The following ASPRV1 variants were observed in gnomAD, a reference collection of about 807,000 sequenced individuals.
ASPRV1 encodes the protein aspartic peptidase retroviral like 1.
Under a neutral mutation model 11.0 loss-of-function variants are expected in ASPRV1, and 7 were observed. That is an observed-to-expected ratio of 0.64 (90% CI 0.36 to 1.20). The LOEUF (loss-of-function observed/expected upper bound fraction) is 1.20, where lower values mean the gene tolerates loss of function less well. Among genes scored for constraint, ASPRV1 ranks in the 50% most tolerant of loss-of-function variants. ASPRV1 has a pLI of 0.02. For synonymous variants in ASPRV1, 136 were observed against 138.4 expected, an observed-to-expected ratio of 0.98 and a Z score of 0.12; for missense variants, 299 against 320.0, an observed-to-expected ratio of 0.93 and a Z score of 0.50.
chr2:69,937,121 G>C, the ASPRV1 span: 1 of 1,381,840 alleles, frequency 7.2e-7, no homozygotes, highest in Non-Finnish European at 1.0e-6. Flanking sequence ...GAGTGGCACC[G>C]AAAGGCGTCT....
chr2:70,079,991 T>C, the ASPRV1 span, among the ~76,000 whole-genome samples: 188 of 152,352 alleles, frequency 1.2e-3, no homozygotes, highest in African/African-American at 4.3e-3. Context: ...ACAAAATCCG[T>C]TAAGTCTTGC....
chr2:70,065,843 A>G, the ASPRV1 span, among the ~76,000 whole-genome samples: 12 of 136,332 alleles, frequency 8.8e-5, no homozygotes, highest in Non-Finnish European at 4.6e-5. Context: ...AAAAAAAAAA[A>G]AGAAAGAAAA....
At position 69,960,528 on chromosome 2, in the gene ASPRV1, A is replaced by T; in HGVS notation, c.*129T>A. 1.0e-6 allele frequency: 1 copy of T among 997,088 alleles called. No homozygotes were observed. Among genetic ancestry groups the T allele is most frequent in the East Asian group, 2.5e-5 (1 of 40,398 alleles). 61.8% of individuals were successfully genotyped at this position (997,088 alleles called of 1,614,324 possible). A position where few individuals can be genotyped will look rare whatever the true frequency, so the allele number is the denominator to read the frequency against. On this transcript the variant is annotated 3_prime_UTR_variant, in exon 1 of 1. Coordinates refer to ENST00000320256, the MANE Select transcript of ASPRV1 (RefSeq NM_152792.4). ...TTAAGGCCCCTGCAGAGGGAGGCAAAGGGGAGAGAAGAGCAAGAGTTGATA... is the reference window on the plus strand; with the variant it reads ...TTAAGGCCCCTGCAGAGGGAGGCAATGGGGAGAGAAGAGCAAGAGTTGATA...
chr2:70,027,562 A>T, the ASPRV1 span, among the ~76,000 whole-genome samples: 1 of 152,234 alleles, frequency 6.6e-6, no homozygotes, highest in Non-Finnish European at 1.5e-5. Context: ...AGCCTAAAAA[A>T]GAATGAAATT....
the ASPRV1 span, among the ~76,000 whole-genome samples, chr2:69,972,361 C>CTT: frequency 2.9e-5 from 4 of 136,034 alleles, no homozygotes; most frequent in Non-Finnish European, 4.8e-5. Context: ...GTGCCCGGCC[C>CTT]TTTTTTTTTT....
the ASPRV1 span, among the ~76,000 whole-genome samples, chr2:70,053,344 C>T: frequency 3.9e-5 from 6 of 151,960 alleles, no homozygotes; most frequent in East Asian, 1.2e-3. Context: ...ATTGTTGGTG[C>T]CTGTATCTTT....
the ASPRV1 span, among the ~76,000 whole-genome samples, chr2:70,013,075 A>G: frequency 6.6e-6 from 1 of 152,252 alleles, no homozygotes; most frequent in East Asian, 1.9e-4. Context: ...CAGTGGTAAC[A>G]CTGACAAATA....
the ASPRV1 span, among the ~76,000 whole-genome samples, chr2:70,007,266 C>T: frequency 6.6e-6 from 1 of 152,194 alleles, no homozygotes; most frequent in African/African-American, 2.4e-5. Context: ...GCCTGTAATC[C>T]CAGCACCTTG....
At chr2:70,015,569 A>T in the ASPRV1 span, 4 of 152,236 alleles carry the variant, frequency 2.6e-5, no homozygotes, top group East Asian at 7.7e-4. Context: ...GCAATCCCAC[A>T]CCAAGGGACA....
the ASPRV1 span, among the ~76,000 whole-genome samples, chr2:70,042,320 G>A: frequency 5.9e-5 from 9 of 152,268 alleles, no homozygotes; most frequent in Non-Finnish European, 8.8e-5. Flanking sequence ...AGCACTAGGC[G>A]AAGTTCAAGG....
the ASPRV1 span, among the ~76,000 whole-genome samples, chr2:70,005,299 A>G: frequency 5.3e-5 from 8 of 152,056 alleles, no homozygotes; most frequent in African/African-American, 1.9e-4. Context: ...GGCTCAGGCA[A>G]TCTTCCCACC....
At chr2:70,006,407 G>A in the ASPRV1 span, among the ~76,000 whole-genome samples, 1 of 152,180 alleles carries the variant, frequency 6.6e-6, no homozygotes, top group Non-Finnish European at 1.5e-5. Flanking sequence ...GTTTCCTTAG[G>A]TGGGTGTAAA....
chr2:70,061,359 C>G, the ASPRV1 span, among the ~76,000 whole-genome samples: 6 of 148,316 alleles, frequency 4.0e-5, no homozygotes, highest in South Asian at 1.3e-3. Flanking sequence ...CATGCCACTG[C>G]ACTCCAGCCT....
the ASPRV1 span, among the ~76,000 whole-genome samples, chr2:70,073,668 G>C: frequency 6.6e-6 from 1 of 152,158 alleles, no homozygotes; most frequent in Non-Finnish European, 1.5e-5. Context: ...TGTGCGGCTT[G>C]TTTTCATTAT....
the ASPRV1 span, among the ~76,000 whole-genome samples, chr2:70,008,296 C>G: frequency 1.3e-5 from 2 of 152,180 alleles, no homozygotes; most frequent in African/African-American, 4.8e-5. Context: ...AATCTCCATT[C>G]ACAAATCCAG....
At chr2:69,997,568 A>G in the ASPRV1 span, among the ~76,000 whole-genome samples, 1 of 152,060 alleles carries the variant, frequency 6.6e-6, no homozygotes. Flanking sequence ...GTCTGCCTCA[A>G]GTCAGCTCTG....
At chr2:70,000,309 C>G in the ASPRV1 span, among the ~76,000 whole-genome samples, 3 of 139,928 alleles carry the variant, frequency 2.1e-5, no homozygotes, top group Admixed American at 7.2e-5. Flanking sequence ...ATAGTGAAAC[C>G]CTCATCTCCA....
At chr2:69,938,083 T>C in the ASPRV1 span, 5 of 1,612,264 alleles carry the variant, frequency 3.1e-6, no homozygotes, top group South Asian at 1.1e-5. Flanking sequence ...CCTTCTCTCT[T>C]GTCCTCCCTG....
At chr2:69,985,132 G>A in the ASPRV1 span, among the ~76,000 whole-genome samples, 4 of 152,244 alleles carry the variant, frequency 2.6e-5, no homozygotes, top group Non-Finnish European at 4.4e-5. Context: ...CTGGGATTAC[G>A]GGCGTGAGCC....
Sources: gnomAD v4.1 joint callset for allele counts (sites outside exome capture counted in the v4.1 genomes callset) on GRCh38, gnomAD v4.1.1 for gene constraint, MANE v1.5 for transcripts, NCBI Gene and HGNC (gene_info 2026-07-23, HGNC 2026-07-21) for gene names.